Variants in GOLGA8Q observed in about 807,000 individuals in gnomAD.
The protein encoded by GOLGA8Q is golgin subfamily A member 8Q.
A neutral mutation model predicts 48.7 loss-of-function variants in GOLGA8Q; 3 were observed. That is an observed-to-expected ratio of 0.06 (90% confidence interval 0.03 to 0.16). GOLGA8Q has a LOEUF of 0.16. Among genes scored for constraint, GOLGA8Q ranks in the 10% least tolerant of loss-of-function variants. GOLGA8Q has a pLI of 1.00. For synonymous variants in GOLGA8Q, 22 were observed against 138.2 expected (o/e 0.16, Z 5.90); for missense variants, 49 against 364.3 (o/e 0.13, Z 7.05).
At chr15:30,560,636 A>T in intron 14 of GOLGA8Q, 25 bp downstream of exon 14, 1 of 1,081,864 alleles carries the variant, frequency 9.2e-7, no homozygotes, top group Non-Finnish European at 1.3e-6. Context: ...TCAGAGGAAG[A>T]GGAGAGAGCC....
intron 8 of GOLGA8Q, 86 bp downstream of exon 8, chr15:30,556,786 G>GT (rs2059645463): frequency 1.4e-6 from 1 of 733,550 alleles, no homozygotes; most frequent in African/African-American, 1.8e-5. Context: ...GCAGGATGGC[G>GT]TGTCCTGCCC....
chr15:30,558,070 G>T lies in GOLGA8Q; in HGVS notation c.786+19G>T, dbSNP rs1660952403. On this transcript the variant is annotated intron_variant, in intron 10 of 18. Coordinates refer to ENST00000562783, the MANE Select transcript of GOLGA8Q (RefSeq NM_001355476.2). ...GCAGGAGGTGAGATCTGACCCTTCA[G>T]CCCCCCCACATTAGATAGGGCACTG... The T allele has an allele frequency of 3.8e-6, 4 of 1,054,322 alleles. 1 individual carries two copies. The highest frequency in any genetic ancestry group is 3.2e-5 in the African/African-American group (1 of 30,928). The allele number at this position is 1,054,322 out of a possible 1,614,324, so 65.3% of individuals were successfully genotyped here. A position where few individuals can be genotyped will look rare whatever the true frequency, so the allele number is the denominator to read the frequency against.
At chr15:30,555,586 G>A (rs1436837471) in intron 4 of GOLGA8Q, among the ~76,000 whole-genome samples, 1 of 109,986 alleles carries the variant, frequency 9.1e-6, no homozygotes, top group African/African-American at 3.6e-5. Flanking sequence ...AAGGGCTCCT[G>A]TCTGTCCTTT....
At position 30,556,458 on chromosome 15, in the gene GOLGA8Q, C is replaced by CCT; in HGVS notation, c.445_446dup (p.Tyr150CysfsTer32). Reference sequence around the variant, plus strand: ...TACAGAAAGAGGAACTAAATACGGACCTGTACCACATGGAACGTTCTCTCA... The same window carrying CCT: ...TACAGAAAGAGGAACTAAATACGGACCTCTGTACCACATGGAACGTTCTCTCA... On this transcript the variant is annotated frameshift_variant, in exon 7 of 19. Coordinates refer to ENST00000562783, the MANE Select transcript of GOLGA8Q (RefSeq NM_001355476.2). LOFTEE classifies it high-confidence loss of function. 1 of 506,650 alleles carries CCT rather than the reference C, an allele frequency of 2.0e-6. No homozygotes were observed. 31.4% of individuals were successfully genotyped at this position (506,650 alleles called of 1,614,324 possible). A position where few individuals can be genotyped will look rare whatever the true frequency, so the allele number is the denominator to read the frequency against.
Position 30,560,425 on chromosome 15 carries a change from T to C in GOLGA8Q, c.1201-111T>C. ...GCTTGGGGCAAAGCAGTGGCCGAGA[T>C]GGCCTGCCAAAAGTTGCAGGAGACC... is the stretch of plus-strand genomic sequence containing the variant. On this transcript the variant is annotated intron_variant, in intron 13 of 18. Coordinates refer to ENST00000562783, the MANE Select transcript of GOLGA8Q (RefSeq NM_001355476.2). 2 of 1,035,346 alleles carry C rather than the reference T, an allele frequency of 1.9e-6. 1 individual carries two copies. Among genetic ancestry groups the C allele is most frequent in the Non-Finnish European group, 2.6e-6 (2 of 768,524 alleles). 64.1% of individuals were successfully genotyped at this position (1,035,346 alleles called of 1,614,324 possible).
Position 30,559,217 on chromosome 15 carries a change from G to A in GOLGA8Q, c.1132-6G>A. ...GGGTGGCTGCTGATTGTTTCTCTCT[G>A]TCCAGAACAATGAGAACAAGAGCAC... On this transcript the variant is annotated splice_region_variant and splice_polypyrimidine_tract_variant and intron_variant, in intron 12 of 18. Transcript: ENST00000562783. The A allele has an allele frequency of 8.7e-7, 1 of 1,147,906 alleles. No homozygotes were observed. Among genetic ancestry groups the A allele is most frequent in the Non-Finnish European group, 1.2e-6 (1 of 845,134 alleles). 71.1% of individuals were successfully genotyped at this position (1,147,906 alleles called of 1,614,324 possible).
intron 4 of GOLGA8Q, among the ~76,000 whole-genome samples, chr15:30,555,557 G>C (rs1417290017): frequency 9.1e-6 from 1 of 110,484 alleles, no homozygotes; most frequent in Non-Finnish European, 2.0e-5. Context: ...AGGCCCCCTA[G>C]AACGGAAACC....
intron 13 of GOLGA8Q, among the ~76,000 whole-genome samples, chr15:30,559,759 G>A (rs1372195217): frequency 1.3e-5 from 2 of 149,242 alleles, no homozygotes; most frequent in African/African-American, 2.5e-5. Context: ...TCGGGAGGCT[G>A]AGGCACGAGA....
intron 13 of GOLGA8Q, among the ~76,000 whole-genome samples, chr15:30,559,697 A>C (rs1348995366): frequency 3.3e-5 from 5 of 151,444 alleles, no homozygotes; most frequent in East Asian, 1.9e-4. Context: ...ACTAAAATTA[A>C]AAAAAAAAAA....
At chr15:30,560,496 G>A in intron 13 of GOLGA8Q, 40 bp from the exon 14 acceptor site, 1 of 1,063,794 alleles carries the variant, frequency 9.4e-7, no homozygotes, top group East Asian at 2.5e-5. Context: ...GGGACGACCT[G>A]GCAAACTCCA....
At chr15:30,560,749 G>A in intron 14 of GOLGA8Q, 138 bp downstream of exon 14, 6 of 656,722 alleles carry the variant, frequency 9.1e-6, no homozygotes, top group South Asian at 3.7e-5. Flanking sequence ...ACTAAGTTCG[G>A]CATCAGTGTG....
In GOLGA8Q at chr15:30,558,089, G is replaced by A. The variant is rs2059655955; in HGVS notation, c.786+38G>A. 3 of 1,015,052 alleles carry A rather than the reference G, an allele frequency of 3.0e-6. 1 individual carries two copies. The highest frequency in any genetic ancestry group is 4.1e-6 in the Non-Finnish European group (3 of 723,108). 62.9% of individuals were successfully genotyped at this position (1,015,052 alleles called of 1,614,324 possible). ...CCTTCAGCCCCCCCACATTAGATAG[G>A]GCACTGGATCTTTCTGGGCATCTGT... On this transcript the variant is annotated intron_variant, in intron 10 of 18. Coordinates refer to ENST00000562783, the MANE Select transcript of GOLGA8Q (RefSeq NM_001355476.2).
intron 13 of GOLGA8Q, among the ~76,000 whole-genome samples, chr15:30,559,765 C>T (rs546368963): frequency 2.7e-5 from 4 of 147,902 alleles, no homozygotes; most frequent in Non-Finnish European, 6.0e-5. Flanking sequence ...GGCTGAGGCA[C>T]GAGAATTGCT....
At chr15:30,559,702 A>T (rs1273029664) in intron 13 of GOLGA8Q, among the ~76,000 whole-genome samples, 2 of 151,344 alleles carry the variant, frequency 1.3e-5, no homozygotes, top group African/African-American at 2.4e-5. Context: ...AATTAAAAAA[A>T]AAAAAATTAG....
In GOLGA8Q at chr15:30,555,542, T is replaced by C. The variant is rs1409603403; in HGVS notation, c.309+420T>C. Among the ~76,000 whole-genome samples, 6 of 110,150 alleles carry C rather than the reference T, an allele frequency of 5.4e-5. 3 individuals are homozygous for C. Among genetic ancestry groups the C allele is most frequent in the Non-Finnish European group, 1.2e-4 (6 of 48,898 alleles). 72.3% of individuals were successfully genotyped at this position (110,150 alleles called of 152,430 possible). ...TCTCTGTTAGCTCTCGAGTCTGAGA[T>C]TTAAAGGCCCCCTAGAACGGAAACC... On this transcript the variant is annotated intron_variant, in intron 4 of 18. Coordinates refer to ENST00000562783, the MANE Select transcript of GOLGA8Q (RefSeq NM_001355476.2).
intron 13 of GOLGA8Q, among the ~76,000 whole-genome samples, chr15:30,560,188 C>A (rs2059671474): frequency 1.1e-5 from 1 of 91,012 alleles, no homozygotes; most frequent in South Asian, 2.9e-4. Context: ...CGTGCCCTCA[C>A]ACCCAGGGTC....
chr15:30,556,138 C>T, intron 5 of GOLGA8Q, 126 bp downstream of exon 5: 1 of 779,928 alleles, frequency 1.3e-6, no homozygotes. Context: ...GATTCCACCC[C>T]ATCCCCACAG....
At position 30,559,205 on chromosome 15, in the gene GOLGA8Q, T is replaced by G; in HGVS notation, c.1132-18T>G. On this transcript the variant is annotated intron_variant, in intron 12 of 18. Transcript: ENST00000562783. ...TCCAGCTGCAGTGGGTGGCTGCTGA[T>G]TGTTTCTCTCTGTCCAGAACAATGA... is the stretch of plus-strand genomic sequence containing the variant. 8.8e-7 allele frequency: 1 copy of G among 1,132,856 alleles called. No homozygotes were observed. The highest frequency in any genetic ancestry group is 1.2e-6 in the Non-Finnish European group (1 of 835,422). The allele number at this position is 1,132,856 out of a possible 1,614,324, so 70.2% of individuals were successfully genotyped here.
rs1287196168 is a variant in GOLGA8Q, at chr15:30,556,026, G to A, written c.348+14G>A. 4.3e-5 allele frequency: 46 copies of A among 1,077,552 alleles called. 11 individuals carry two copies. The East Asian group carries it at 5.9e-4, about 14-fold the overall frequency. 66.7% of individuals were successfully genotyped at this position (1,077,552 alleles called of 1,614,324 possible). A position where few individuals can be genotyped will look rare whatever the true frequency, so the allele number is the denominator to read the frequency against. ...CAGCTGGAAGAAGTAACGTGATTTC[G>A]TTTCCTCGCAACATGACTGCTGGGT... On this transcript the variant is annotated intron_variant, in intron 5 of 18. Transcript: ENST00000562783.
Sources: allele counts gnomAD v4.1 joint callset (sites outside exome capture counted in the v4.1 genomes callset), GRCh38; gene constraint gnomAD v4.1.1; transcripts MANE v1.5; gene names NCBI Gene and HGNC (gene_info 2026-07-23, HGNC 2026-07-21).